The following NUP155 variants were observed in gnomAD, a reference collection of about 807,000 sequenced individuals.
NUP155 encodes nucleoporin 155.
A neutral mutation model predicts 180.4 loss-of-function variants in NUP155; 71 were observed. The ratio of observed to expected loss-of-function variants is 0.39; its 90% CI spans 0.33 to 0.48. NUP155 has a LOEUF of 0.48. NUP155 is among the 20% of genes least tolerant of loss of function. NUP155 has a pLI of 0.91. For synonymous variants in NUP155, 582 were observed against 559.5 expected (o/e 1.04, Z -0.57); for missense variants, 1,553 against 1,648.9 (o/e 0.94, Z 1.01).
At chr5:37,294,752 G>T (rs1742430229) in intron 32 of NUP155, among the ~76,000 whole-genome samples, 1 of 150,586 alleles carries the variant, frequency 6.6e-6, no homozygotes, top group South Asian at 2.1e-4. Context: ...CAGCTTAAAA[G>T]AAAAAAAAAG....
intron 10 of NUP155, 184 bp downstream of exon 10, chr5:37,342,365 T>C: frequency 1.8e-6 from 1 of 547,106 alleles, no homozygotes; most frequent in Non-Finnish European, 3.3e-6. Context: ...GTTTTATATC[T>C]ATAAAATGAA....
At chr5:37,301,061 TG>T in intron 30 of NUP155, 1 of 248,380 alleles carries the variant, frequency 4.0e-6, no homozygotes, top group Non-Finnish European at 7.9e-6. Flanking sequence ...TGACCTCAGG[TG>T]ATCTGCCCGC....
chr5:37,351,499 T>G (rs1746455855), intron 5 of NUP155, 143 bp from the exon 6 acceptor site: 8 of 598,292 alleles, frequency 1.3e-5, no homozygotes, highest in Non-Finnish European at 2.0e-5. Flanking sequence ...CCAGGCTGGG[T>G]GCAGTGGCCC....
chr5:37,333,061 A>G (rs866167833), intron 13 of NUP155, among the ~76,000 whole-genome samples: 1 of 152,362 alleles, frequency 6.6e-6, no homozygotes, highest in Middle Eastern at 3.4e-3. Context: ...AAGTCAAATA[A>G]GAAACCAGGA....
chr5:37,328,240 AT>A, intron 17 of NUP155, 117 bp downstream of exon 17: 1 of 836,554 alleles, frequency 1.2e-6, no homozygotes, highest in Non-Finnish European at 1.9e-6. Flanking sequence ...CGCTTCTAAA[AT>A]TATATTTATT....
chr5:37,343,542 G>A (rs1306916820), intron 9 of NUP155, among the ~76,000 whole-genome samples: 2 of 152,092 alleles, frequency 1.3e-5, no homozygotes, highest in Non-Finnish European at 2.9e-5. Flanking sequence ...ACCATTGGGT[G>A]AATGGTTGGT....
At chr5:37,337,380 T>TA (rs1002376938) in intron 12 of NUP155, among the ~76,000 whole-genome samples, 75 of 147,844 alleles carry the variant, frequency 5.1e-4, no homozygotes, top group South Asian at 8.6e-4. Flanking sequence ...TTTCCATAAT[T>TA]AAAAAAAAAA....
intron 20 of NUP155, among the ~76,000 whole-genome samples, chr5:37,320,782 T>A (rs573465508): frequency 1.3e-5 from 2 of 152,050 alleles, no homozygotes; most frequent in East Asian, 3.9e-4. Context: ...ACTAAAAACA[T>A]CTGACAAGTA....
intron 9 of NUP155, among the ~76,000 whole-genome samples, chr5:37,344,068 G>A (rs946604680): frequency 6.6e-6 from 1 of 151,944 alleles, no homozygotes; most frequent in Admixed American, 6.6e-5. Context: ...TGCTTGGTGA[G>A]GTGGCTCATG....
At chr5:37,363,779 G>C in intron 3 of NUP155, 109 bp downstream of exon 3, 1 of 755,958 alleles carries the variant, frequency 1.3e-6, no homozygotes, top group Non-Finnish European at 2.4e-6. Flanking sequence ...TGACCCAAAG[G>C]CTAGATGAAT....
At chr5:37,318,695 A>G (rs931543100) in intron 20 of NUP155, among the ~76,000 whole-genome samples, 2 of 152,198 alleles carry the variant, frequency 1.3e-5, no homozygotes, top group African/African-American at 4.8e-5. Context: ...GGGATATTCA[A>G]TGTGTATCAC....
intron 22 of NUP155, among the ~76,000 whole-genome samples, chr5:37,311,931 G>C (rs148476041): frequency 6.6e-6 from 1 of 152,188 alleles, no homozygotes; most frequent in Non-Finnish European, 1.5e-5. Flanking sequence ...TGAGGCAGGA[G>C]AACTGCTTGT....
At position 37,291,865 on chromosome 5, in the gene NUP155, C is replaced by T. The variant is rs754840105; in HGVS notation, c.*35G>A. On this transcript the variant is annotated 3_prime_UTR_variant, in exon 35 of 35. Transcript: ENST00000231498. ...TGGACCCAGCTGAGTTTTTATTTTA[C>T]AGATCATAAAACGGATGAAAGTATA... The T allele has an allele frequency of 6.2e-7, 1 of 1,602,778 alleles. No homozygotes were observed. The highest frequency in any genetic ancestry group is 2.2e-5 in the East Asian group (1 of 44,746).
chr5:37,299,722 A>G (rs7713147), intron 30 of NUP155, among the ~76,000 whole-genome samples, 154 bp from the exon 31 acceptor site: 3,858 of 152,250 alleles, frequency 0.025, 152 homozygotes, highest in African/African-American at 0.088. Context: ...GTAGCTGGTT[A>G]TAACTCCATA....
chr5:37,348,809 GCAA>G (rs1746273113), intron 8 of NUP155, among the ~76,000 whole-genome samples: 1 of 152,124 alleles, frequency 6.6e-6, no homozygotes, highest in Non-Finnish European at 1.5e-5. Flanking sequence ...AGGCTGGAGG[GCAA>G]AGGCATGATC....
chr5:37,321,888 T>A (rs1291019862), intron 20 of NUP155, among the ~76,000 whole-genome samples: 1 of 152,158 alleles, frequency 6.6e-6, no homozygotes, highest in African/African-American at 2.4e-5. Flanking sequence ...AGAGTTTCAC[T>A]CTTGTTGCCC....
Position 37,289,402 on chromosome 5 carries a change from C to A in NUP155, c.*2498G>T, listed in dbSNP as rs1322031165. 1 of 152,258 alleles carries A rather than the reference C, an allele frequency of 6.6e-6. No individual in the cohort carries two copies. The highest frequency in any genetic ancestry group is 1.9e-4 in the East Asian group (1 of 5,202). The allele number at this position is 152,258 out of a possible 1,614,324, so 9.4% of individuals were successfully genotyped here. A position where few individuals can be genotyped will look rare whatever the true frequency, so the allele number is the denominator to read the frequency against. The stretch of plus-strand genomic sequence containing the variant: ...TGCTACTCCAACTCTGATCCACTGA[C>A]TGCCAGGATCAGCATGACACTACAG... On this transcript the variant is annotated 3_prime_UTR_variant, in exon 35 of 35. Coordinates refer to ENST00000231498, the MANE Select transcript of NUP155 (RefSeq NM_153485.3).
intron 10 of NUP155, among the ~76,000 whole-genome samples, chr5:37,341,946 C>T (rs1441671791): frequency 6.6e-6 from 1 of 152,218 alleles, no homozygotes; most frequent in Non-Finnish European, 1.5e-5. Context: ...TTAGAAAGAA[C>T]TTGCAAAGAC....
intron 21 of NUP155, among the ~76,000 whole-genome samples, chr5:37,316,319 C>G (rs1743884147): frequency 6.6e-6 from 1 of 152,094 alleles, no homozygotes; most frequent in Non-Finnish European, 1.5e-5. Flanking sequence ...CATAAGCCTG[C>G]CACAAAATGT....
Sources: gnomAD v4.1 joint callset for allele counts (sites outside exome capture counted in the v4.1 genomes callset) on GRCh38, gnomAD v4.1.1 for gene constraint, MANE v1.5 for transcripts, NCBI Gene and HGNC (gene_info 2026-07-23, HGNC 2026-07-21) for gene names.